Variants in PSD2 observed in about 807,000 individuals in gnomAD.
The protein encoded by PSD2 is pleckstrin and Sec7 domain containing 2, also known as PH and SEC7 domain-containing protein 2.
In PSD2, 38 loss-of-function variants were observed where a neutral mutation model predicts 69.8. The ratio of observed to expected loss-of-function variants is 0.54; its 90% CI spans 0.42 to 0.71. The LOEUF is 0.71. Ranked by LOEUF, PSD2 falls within the 30% of genes least tolerant of loss-of-function variation. PSD2 has a pLI of 0.00. For missense variants in PSD2, 943 were observed against 1,014.5 expected (o/e 0.93, Z 0.96); for synonymous variants, 412 against 423.0 (o/e 0.97, Z 0.32).
the PSD2 span, among the ~76,000 whole-genome samples, chr5:139,783,833 CTTTG>C: frequency 6.6e-6 from 1 of 151,750 alleles, no homozygotes; most frequent in African/African-American, 2.4e-5. Flanking sequence ...GATATTGTCT[CTTTG>C]TTTGGCTTAC....
chr5:139,840,082 C>A lies in PSD2; in HGVS notation c.2024C>A (p.Ala675Asp). 1 of 1,614,154 alleles carries A rather than the reference C, an allele frequency of 6.2e-7. No individual in the cohort carries two copies. Among genetic ancestry groups the A allele is most frequent in the Non-Finnish European group, 8.5e-7 (1 of 1,180,008 alleles). Residue 675 changes from alanine to aspartate, a missense_variant, in exon 14 of 15, where the codon GCC becomes GAC. Physicochemically the swap from Ala to Asp is moderately radical, Grantham distance 126. This residue lies in a region of PSD2 where 165 missense variants were observed against 168.8 expected (regional missense o/e 0.98). Coordinates refer to ENST00000274710, the MANE Select transcript of PSD2 (RefSeq NM_032289.4). Reference protein sequence around the residue: ...NKLRQLTAELAEHRCHPVERG... With the variant: ...NKLRQLTAELDEHRCHPVERG... ...TTGAGGCAGCTGACTGCGGAGCTGG[C>A]CGAACACAGGTGTCACCCAGTCGAG...
At chr5:139,784,836 C>A in the PSD2 span, among the ~76,000 whole-genome samples, 1 of 151,994 alleles carries the variant, frequency 6.6e-6, no homozygotes, top group East Asian at 1.9e-4. Context: ...CTCACTGCAA[C>A]CTCCGCCTCC....
At chr5:139,833,992 G>T (rs1359262281) in intron 8 of PSD2, among the ~76,000 whole-genome samples, 1 of 152,180 alleles carries the variant, frequency 6.6e-6, no homozygotes, top group Non-Finnish European at 1.5e-5. Flanking sequence ...GGCTTTGTGA[G>T]ATTTGTTTTT....
chr5:139,785,308 C>T, the PSD2 span, among the ~76,000 whole-genome samples: 1 of 151,612 alleles, frequency 6.6e-6, no homozygotes, highest in Admixed American at 6.6e-5. Flanking sequence ...ACTGCAACCT[C>T]TGCCTCCTGG....
intron 4 of PSD2, among the ~76,000 whole-genome samples, chr5:139,816,163 A>T (rs1760118867): frequency 6.6e-6 from 1 of 152,156 alleles, no homozygotes; most frequent in African/African-American, 2.4e-5. Flanking sequence ...ATTGTAACGC[A>T]TATTTCAGAC....
intron 1 of PSD2, among the ~76,000 whole-genome samples, chr5:139,800,492 C>T (rs1759644720): frequency 6.6e-6 from 1 of 152,190 alleles, no homozygotes; most frequent in Non-Finnish European, 1.5e-5. Context: ...GAACTCCTGA[C>T]CTCAAGTGAT....
At chr5:139,766,829 T>TTCTC in the PSD2 span, among the ~76,000 whole-genome samples, 5,869 of 49,208 alleles carry the variant, frequency 0.12, 435 homozygotes, top group African/African-American at 0.18. Context: ...AGTCCCTTCC[T>TTCTC]TCTTTCTTTC....
the PSD2 span, among the ~76,000 whole-genome samples, chr5:139,747,224 ACT>A: frequency 1.4e-5 from 2 of 144,962 alleles, no homozygotes; most frequent in Admixed American, 1.4e-4. This position sits in a 1 kb window ranked among gnomAD's most constrained non-coding sequence, Gnocchi z 6.7. Flanking sequence ...TGTCTGTCTG[ACT>A]CTCTCTTGTC....
intron 1 of PSD2, among the ~76,000 whole-genome samples, chr5:139,799,362 G>A (rs2126922616): frequency 6.6e-6 from 1 of 152,302 alleles, no homozygotes; most frequent in East Asian, 1.9e-4. Context: ...TCAGGGTTGG[G>A]AGTGGGGGAG....
chr5:139,788,186 C>A, the PSD2 span, among the ~76,000 whole-genome samples: 7 of 151,842 alleles, frequency 4.6e-5, no homozygotes, highest in East Asian at 1.9e-4. Context: ...CGCGCCCCCC[C>A]CCGAACCCGT....
chr5:139,831,190 C>T lies in PSD2; in HGVS notation c.1270-2512C>T, dbSNP rs184608133. 5.9e-5 allele frequency among the ~76,000 whole-genome samples: 9 copies of T among 152,178 alleles called. No individual in the cohort carries two copies. In the East Asian group the frequency reaches 1.3e-3, roughly 23 times the overall value. ...ACTATGAACATGTCCGTCTTTATGT[C>T]TAGTAATGCTTCTTGCCTTCGAATC... On this transcript the variant is annotated intron_variant, in intron 7 of 14. Transcript: ENST00000274710.
chr5:139,771,768 AT>A, the PSD2 span, among the ~76,000 whole-genome samples: 1 of 151,994 alleles, frequency 6.6e-6, no homozygotes, highest in East Asian at 1.9e-4. Flanking sequence ...GCCACAGGCT[AT>A]TTAGGGTCTG....
the PSD2 span, chr5:139,775,469 A>G: frequency 6.6e-6 from 1 of 152,340 alleles, no homozygotes; most frequent in East Asian, 1.9e-4. Flanking sequence ...TGAGCTCATC[A>G]CCATCCCAGT....
intron 1 of PSD2, among the ~76,000 whole-genome samples, chr5:139,804,999 CTG>C (rs750350472): frequency 4.1e-4 from 61 of 149,942 alleles, no homozygotes; most frequent in East Asian, 7.8e-4. Flanking sequence ...GTGTGTGTCT[CTG>C]TGTGTGTGTG....
At chr5:139,758,849 G>C in the PSD2 span, among the ~76,000 whole-genome samples, 1 of 152,126 alleles carries the variant, frequency 6.6e-6, no homozygotes, top group Admixed American at 6.5e-5. Context: ...GACTTGGGCA[G>C]TGTCTCCCAT....
the PSD2 span, among the ~76,000 whole-genome samples, chr5:139,776,746 G>A: frequency 2.0e-5 from 3 of 150,694 alleles, no homozygotes; most frequent in East Asian, 5.9e-4. Context: ...AAGGCTCACT[G>A]TAGCCTCAAC....
intron 1 of PSD2, among the ~76,000 whole-genome samples, chr5:139,807,628 TAGG>T (rs1430242773): frequency 6.6e-6 from 1 of 152,188 alleles, no homozygotes; most frequent in African/African-American, 2.4e-5. Flanking sequence ...ATCAAAATTC[TAGG>T]AGGTGAGGGT....
At chr5:139,799,013 C>T (rs1392442022) in intron 1 of PSD2, among the ~76,000 whole-genome samples, 3 of 151,808 alleles carry the variant, frequency 2.0e-5, no homozygotes, top group Non-Finnish European at 4.4e-5. Flanking sequence ...GCTTGTGATA[C>T]GTCTCACATC....
At chr5:139,764,052 C>G in the PSD2 span, among the ~76,000 whole-genome samples, 2 of 152,218 alleles carry the variant, frequency 1.3e-5, no homozygotes. Flanking sequence ...GTTTCCCCAT[C>G]TGTGAAAAGG....
Sources: gnomAD v4.1 joint callset for allele counts (sites outside exome capture counted in the v4.1 genomes callset) on GRCh38, gnomAD v4.1.1 for gene constraint, gnomAD v4.1.1 regional missense constraint, Gnocchi (gnomAD v3.1) non-coding constraint, MANE v1.5 for transcripts, NCBI Gene and HGNC (gene_info 2026-07-23, HGNC 2026-07-21) for gene names.